The following AMOT variants were observed in gnomAD, a reference collection of about 807,000 sequenced individuals.
AMOT encodes the protein angiomotin.
In AMOT, 11 loss-of-function variants were observed where a neutral mutation model predicts 67.0. The observed-to-expected ratio is 0.16, with a 90% CI of 0.10 to 0.27. AMOT has a LOEUF of 0.27. AMOT is among the 10% of genes least tolerant of loss of function. The pLI, the probability that AMOT is intolerant of heterozygous loss-of-function variation, is 1.00. For missense variants in AMOT, 753 were observed against 852.0 expected (o/e 0.88, Z 1.45); for synonymous variants, 326 against 321.4 (o/e 1.01, Z -0.15).
chrX:112,818,658 GAA>G (rs1050192630), intron 4 of AMOT, among the ~76,000 whole-genome samples: 1 of 111,775 alleles, frequency 8.9e-6, no homozygotes, highest in African/African-American at 3.3e-5. Context: ...CTCCCCGTGA[GAA>G]AAAGAGATTA....
intron 1 of AMOT, among the ~76,000 whole-genome samples, chrX:112,837,739 G>A (rs1011455863): frequency 2.7e-5 from 3 of 111,627 alleles, no homozygotes; most frequent in Non-Finnish European, 5.6e-5. Context: ...GGAAAAGTAA[G>A]TAAGACTAAA....
chrX:112,791,998 G>A lies in AMOT; in HGVS notation c.1777-17C>T. On this transcript the variant is annotated splice_polypyrimidine_tract_variant and intron_variant, in intron 8 of 13. Transcript: ENST00000371959. ...CTTTTTCAGCTGGAAATCCATGTTG[G>A]GTAATTTGCAAGGTGAAAGGAAAAA... is the stretch of plus-strand genomic sequence containing the variant. 1 of 1,209,039 alleles carries A rather than the reference G, an allele frequency of 8.3e-7. No homozygotes were observed. The highest frequency in any genetic ancestry group is 1.1e-6 in the Non-Finnish European group (1 of 893,670).
intron 5 of AMOT, among the ~76,000 whole-genome samples, chrX:112,812,705 T>C (rs759039102): frequency 1.2e-4 from 13 of 112,194 alleles, no homozygotes; most frequent in Non-Finnish European, 2.1e-4. Flanking sequence ...CCATTCTGCA[T>C]TGCTTCTGTG....
intron 1 of AMOT, among the ~76,000 whole-genome samples, chrX:112,833,245 C>G (rs1478648921): frequency 9.0e-6 from 1 of 110,975 alleles, no homozygotes; most frequent in Non-Finnish European, 1.9e-5. Context: ...GCAAATGGCC[C>G]TAAAATCTCA....
In AMOT at chrX:112,815,437, A is replaced by T; in HGVS notation, c.1313T>A (p.Val438Asp). The stretch of plus-strand genomic sequence containing the variant: ...CCGGTTCTCGTCTGAGAGGATCTCA[A>T]CCATCTGCTGGGCTCTGGAAACAAT... ...FAIVSRAQQM[V>D]EILSDENRNL... Residue 438 changes from valine (V) to aspartate (D), a missense_variant, in exon 5 of 14, where the codon GTT becomes GAT. Transcript: ENST00000371959. 8.3e-7 allele frequency: 1 copy of T among 1,211,762 alleles called. No individual in the cohort carries two copies. Among genetic ancestry groups the T allele is most frequent in the Non-Finnish European group, 1.1e-6 (1 of 895,540 alleles).
At chrX:112,780,864 C>A in intron 12 of AMOT, 22 bp downstream of exon 12, 1 of 1,195,312 alleles carries the variant, frequency 8.4e-7, no homozygotes, top group Non-Finnish European at 1.1e-6. Context: ...TGACTATAAT[C>A]TTCCTTATTT....
chrX:112,836,090 T>A (rs113121033), intron 1 of AMOT, among the ~76,000 whole-genome samples: 2,329 of 112,176 alleles, frequency 0.021, 53 homozygotes, highest in African/African-American at 0.072. Context: ...TTTAAACATA[T>A]TATTTTCCAT....
intron 4 of AMOT, among the ~76,000 whole-genome samples, chrX:112,818,325 A>G (rs1297185877): frequency 1.8e-5 from 2 of 110,931 alleles, no homozygotes; most frequent in Middle Eastern, 4.7e-3. Flanking sequence ...TCCCTGGACA[A>G]CAGCACATGG....
At chrX:112,780,812 C>T in intron 12 of AMOT, 74 bp downstream of exon 12, 1 of 1,054,653 alleles carries the variant, frequency 9.5e-7, no homozygotes, top group Non-Finnish European at 1.3e-6. Flanking sequence ...CATCCCTTTT[C>T]CTTAAGCATG....
intron 1 of AMOT, among the ~76,000 whole-genome samples, chrX:112,836,160 T>C (rs933962338): frequency 4.5e-5 from 5 of 112,280 alleles, no homozygotes; most frequent in East Asian, 5.6e-4. Context: ...GGAGATTTCA[T>C]ATTCCACTCA....
intron 8 of AMOT, among the ~76,000 whole-genome samples, chrX:112,803,951 C>A (rs1380760455): frequency 1.8e-5 from 2 of 111,738 alleles, no homozygotes; most frequent in Non-Finnish European, 3.8e-5. Flanking sequence ...TACACTCTAG[C>A]ATCAATTTTT....
intron 12 of AMOT, among the ~76,000 whole-genome samples, chrX:112,779,955 T>C (rs1471929796): frequency 9.0e-6 from 1 of 111,252 alleles, no homozygotes; most frequent in Non-Finnish European, 1.9e-5. Flanking sequence ...GGATCCCTTC[T>C]GGTCCTCATC....
At chrX:112,796,354 C>A (rs1005378733) in intron 8 of AMOT, among the ~76,000 whole-genome samples, 3 of 111,952 alleles carry the variant, frequency 2.7e-5, no homozygotes, top group African/African-American at 9.7e-5. Flanking sequence ...ATTTCCAAAG[C>A]CAAGATAGTG....
At position 112,781,114 on chromosome X, in the gene AMOT, T is replaced by C; in HGVS notation, c.2245A>G (p.Lys749Glu). The change falls in exon 12 of 14, where the codon AAG (lysine) becomes GAG (glutamate). Residue 749 changes from lysine to glutamate, a missense_variant. Lys to Glu is a moderately conservative substitution (Grantham distance 56). Coordinates refer to ENST00000371959, the MANE Select transcript of AMOT (RefSeq NM_001113490.2). ...TCAATAATCTGGGCATGGAGGGTCT[T>C]AATCCTAGGAGCCAAAGGCAAAGAA... is the stretch of plus-strand genomic sequence containing the variant. ...KRCLDMEGRI[K>E]TLHAQIIEKD... 8.3e-7 allele frequency: 1 copy of C among 1,208,733 alleles called. No individual in the cohort carries two copies. Among genetic ancestry groups the C allele is most frequent in the Non-Finnish European group, 1.1e-6 (1 of 892,842 alleles).
chrX:112,814,284 A>C (rs1277028803), intron 5 of AMOT, among the ~76,000 whole-genome samples: 1 of 110,550 alleles, frequency 9.0e-6, no homozygotes, highest in African/African-American at 3.3e-5. Context: ...AAAAAAAAAA[A>C]AAAGAAAGAA....
intron 1 of AMOT, among the ~76,000 whole-genome samples, chrX:112,836,896 A>G (rs766322341): frequency 1.2e-3 from 12 of 9,749 alleles, no homozygotes; most frequent in Non-Finnish European, 4.0e-3. Flanking sequence ...TTTACAGTGG[A>G]AAAAAAAAAA....
At chrX:112,785,281 T>C (rs1933329106) in intron 10 of AMOT, among the ~76,000 whole-genome samples, 2 of 111,858 alleles carry the variant, frequency 1.8e-5, no homozygotes, top group South Asian at 7.5e-4. Context: ...TTTCTCCTTC[T>C]TTTTTTTGAC....
intron 5 of AMOT, among the ~76,000 whole-genome samples, chrX:112,812,796 G>A (rs1934411580): frequency 8.9e-6 from 1 of 112,139 alleles, no homozygotes; most frequent in Non-Finnish European, 1.9e-5. Flanking sequence ...CTAGGGGAAA[G>A]GTAAGGTTGC....
chrX:112,792,804 G>A (rs1449958446), intron 8 of AMOT, among the ~76,000 whole-genome samples: 1 of 111,326 alleles, frequency 9.0e-6, no homozygotes, highest in East Asian at 2.8e-4. Context: ...AACTAAATGA[G>A]TCAAACATTA....
Sources: allele counts gnomAD v4.1 joint callset (sites outside exome capture counted in the v4.1 genomes callset), GRCh38; gene constraint gnomAD v4.1.1; transcripts MANE v1.5; gene names NCBI Gene and HGNC (gene_info 2026-07-23, HGNC 2026-07-21).